The following DCAF13 variants were observed in gnomAD, a reference collection of about 807,000 sequenced individuals.
DCAF13 encodes DDB1 and CUL4 associated factor 13.
A neutral mutation model predicts 59.0 loss-of-function variants in DCAF13; 38 were observed. The observed-to-expected ratio is 0.64, with a 90% confidence interval of 0.50 to 0.84. The LOEUF is 0.84. Among genes scored for constraint, DCAF13 ranks in the 40% least tolerant of loss-of-function variants. DCAF13 has a pLI of 0.00. For missense variants in DCAF13, 469 were observed against 558.4 expected (o/e 0.84, Z 1.61); for synonymous variants, 173 against 175.0 (o/e 0.99, Z 0.09).
chr8:103,416,028 C>T (rs917457210), intron 1 of DCAF13, among the ~76,000 whole-genome samples: 22 of 152,352 alleles, frequency 1.4e-4, no homozygotes, highest in African/African-American at 5.0e-4. Flanking sequence ...ATTTATCCTT[C>T]CTGGTCTGTT....
chr8:103,418,269 A>G (rs1265309340), intron 1 of DCAF13, among the ~76,000 whole-genome samples: 1 of 152,200 alleles, frequency 6.6e-6, no homozygotes, highest in African/African-American at 2.4e-5. Flanking sequence ...TCATAAACCC[A>G]ACACTTTGGG....
At chr8:103,439,640 A>T (rs1452188110) in intron 8 of DCAF13, 1 of 152,076 alleles carries the variant, frequency 6.6e-6, no homozygotes, top group Non-Finnish European at 1.5e-5. Flanking sequence ...ATTTAACCAA[A>T]ACAAAATTCT....
At chr8:103,418,867 T>TATATATATG (rs1491287087) in intron 1 of DCAF13, among the ~76,000 whole-genome samples, 1 of 8,956 alleles carries the variant, frequency 1.1e-4, no homozygotes, top group African/African-American at 3.3e-4. Context: ...TATATATATA[T>TATATATATG]TTTTTTTTTT....
At chr8:103,423,286 T>C (rs74611162) in intron 3 of DCAF13, among the ~76,000 whole-genome samples, 54 of 151,934 alleles carry the variant, frequency 3.6e-4, no homozygotes, top group Non-Finnish European at 4.0e-4. Context: ...ACCCAGGATA[T>C]GGAATCAACC....
chr8:103,434,547 G>A (rs149220261), intron 7 of DCAF13, among the ~76,000 whole-genome samples: 2,875 of 152,058 alleles, frequency 0.019, 36 homozygotes, highest in Middle Eastern at 0.027. Flanking sequence ...TGGTTAGGGT[G>A]GTGTCTGCCA....
chr8:103,436,228 T>C (rs1307046748), intron 8 of DCAF13, among the ~76,000 whole-genome samples: 2 of 152,208 alleles, frequency 1.3e-5, no homozygotes. Flanking sequence ...TTAATAAAGT[T>C]TTTTGCTCCA....
chr8:103,441,851 C>T (rs1228138013), intron 10 of DCAF13: 14 of 416,294 alleles, frequency 3.4e-5, no homozygotes, highest in East Asian at 1.0e-4. Context: ...CTGCAAGCTC[C>T]GCCTCCCGGG....
chr8:103,441,309 A>G, intron 9 of DCAF13, 146 bp from the exon 10 acceptor site: 1 of 643,090 alleles, frequency 1.6e-6, no homozygotes, highest in Non-Finnish European at 2.6e-6. Flanking sequence ...TTACTAATAT[A>G]ACCTTGTAAA....
rs180809520 is a variant in DCAF13 at position 103,424,586 on chromosome 8, A to C, written c.379-1470A>C. Among the ~76,000 whole-genome samples the C allele has an allele frequency of 7.1e-4, 108 of 152,350 alleles. 1 individual carries two copies. Among genetic ancestry groups the C allele is most frequent in the Admixed American group, 7.1e-3 (108 of 15,302 alleles). Reference sequence around the variant, plus strand: ...GGCTACTCATTTCTATAAAATGAGAAAACCCTTCCCAGAATTGGTGGTCCG... The same window carrying C: ...GGCTACTCATTTCTATAAAATGAGACAACCCTTCCCAGAATTGGTGGTCCG... On this transcript the variant is annotated intron_variant, in intron 3 of 10. Transcript: ENST00000612750.
At position 103,440,290 on chromosome 8, in the gene DCAF13, TTTCA is replaced by T. The variant is rs754732343; in HGVS notation, c.1086+22_1086+25del. 2 of 1,548,074 alleles carry T rather than the reference TTTCA, an allele frequency of 1.3e-6. No homozygotes were observed. Among genetic ancestry groups the T allele is most frequent in the Non-Finnish European group, 1.7e-6 (2 of 1,153,456 alleles). On this transcript the variant is annotated intron_variant, in intron 9 of 10. Coordinates refer to ENST00000612750, the MANE Select transcript of DCAF13 (RefSeq NM_015420.7). ...GGGTGTGGTAAGAGAATTCATTTTCTTTCATTGTCATAAAGCTGATTTCTAATTT... is the reference window on the plus strand; with the variant it reads ...GGGTGTGGTAAGAGAATTCATTTTCTTTGTCATAAAGCTGATTTCTAATTT...
intron 1 of DCAF13, among the ~76,000 whole-genome samples, chr8:103,417,641 C>CAAAA (rs34702662): frequency 2.6e-5 from 2 of 75,942 alleles, no homozygotes; most frequent in African/African-American, 8.6e-5. Flanking sequence ...GACTCCGTCT[C>CAAAA]AAAAAAAAAA....
chr8:103,441,671 C>G, intron 10 of DCAF13, 53 bp downstream of exon 10: 3 of 1,552,092 alleles, frequency 1.9e-6, no homozygotes, highest in South Asian at 2.4e-5. Context: ...CTGCTCTCAT[C>G]TCACCAAAAA....
rs769906575 is a variant in DCAF13, at chr8:103,435,637, T to C, written c.797T>C (p.Phe266Ser). Reference sequence around the variant, plus strand: ...AAATTCTTTTACAGCTTATATACTTTTGATATGCGTGCACTGGACACTCCT... The same window carrying C: ...AAATTCTTTTACAGCTTATATACTTCTGATATGCGTGCACTGGACACTCCT... ...AANEDYNLYT[F>S]DMRALDTPVM... The change falls in exon 8 of 11, where the codon TTT (phenylalanine) becomes TCT (serine). Residue 266 changes from phenylalanine (F) to serine (S), a missense_variant. This residue lies in a region of DCAF13 where 355 missense variants were observed against 399.1 expected (regional missense o/e 0.89). Transcript: ENST00000612750. The C allele has an allele frequency of 8.4e-6, 13 of 1,556,718 alleles. No homozygotes were observed. In the African/African-American group the frequency reaches 1.1e-4, roughly 13 times the overall value.
intron 3 of DCAF13, among the ~76,000 whole-genome samples, chr8:103,425,691 C>T (rs1479487010): frequency 2.0e-5 from 3 of 152,150 alleles, no homozygotes; most frequent in African/African-American, 7.2e-5. Context: ...TTTATTTTCA[C>T]ATAAGGCATC....
chr8:103,415,558 T>C (rs1347808642), intron 1 of DCAF13, 42 bp downstream of exon 1: 1 of 1,560,218 alleles, frequency 6.4e-7, no homozygotes, highest in Admixed American at 1.7e-5. Context: ...TTTCCGCAAG[T>C]CGTTGGGTCT....
At chr8:103,427,047 GATTTGA>G (rs1297539670) in intron 4 of DCAF13, 44 bp from the exon 5 acceptor site, 1 of 1,387,630 alleles carries the variant, frequency 7.2e-7, no homozygotes, top group Non-Finnish European at 9.9e-7. Flanking sequence ...TTATTCTGCA[GATTTGA>G]ATTAGTAATG....
At chr8:103,418,358 A>G (rs1198876349) in intron 1 of DCAF13, among the ~76,000 whole-genome samples, 1 of 151,716 alleles carries the variant, frequency 6.6e-6, no homozygotes, top group East Asian at 1.9e-4. Context: ...CGTCTCTACA[A>G]AAAATTTAAA....
At chr8:103,433,441 T>C (rs1326736835) in intron 7 of DCAF13, among the ~76,000 whole-genome samples, 7 of 152,082 alleles carry the variant, frequency 4.6e-5, no homozygotes, top group South Asian at 2.1e-4. Context: ...TCTTTTTTTT[T>C]CCCAAAGCAT....
chr8:103,417,985 G>A (rs1816646271), intron 1 of DCAF13, among the ~76,000 whole-genome samples: 2 of 151,710 alleles, frequency 1.3e-5, no homozygotes, highest in South Asian at 4.2e-4. Context: ...TAAATTAGCC[G>A]GGCATGGTGG....
Sources: allele counts gnomAD v4.1 joint callset (sites outside exome capture counted in the v4.1 genomes callset), GRCh38; gene constraint gnomAD v4.1.1; regional missense constraint gnomAD v4.1.1; transcripts MANE v1.5; gene names NCBI Gene and HGNC (gene_info 2026-07-23, HGNC 2026-07-21).